TSC22D1: variants seen among roughly 807,000 people sequenced by gnomAD.
TSC22D1 encodes the protein TSC22 domain family protein 1.
A neutral mutation model predicts 74.2 loss-of-function variants in TSC22D1; 9 were observed. The observed-to-expected ratio is 0.12, with a 90% CI of 0.07 to 0.21. TSC22D1 has a LOEUF of 0.21. Among genes scored for constraint, TSC22D1 ranks in the 10% least tolerant of loss-of-function variants. The probability of loss-of-function intolerance (pLI) is 1.00; values close to 1 mark genes in which losing one functional copy is unlikely to be tolerated. For synonymous variants in TSC22D1, 586 were observed against 492.5 expected, an observed-to-expected ratio of 1.19 and a Z score of -2.51; for missense variants, 1,427 against 1,304.7, an observed-to-expected ratio of 1.09 and a Z score of -1.44.
intron 1 of TSC22D1, among the ~76,000 whole-genome samples, chr13:44,442,971 A>G (rs1167877237): frequency 6.6e-6 from 1 of 151,548 alleles, no homozygotes; most frequent in Non-Finnish European, 1.5e-5. Context: ...CAAAGTGTCA[A>G]TAAGCTATGG....
At chr13:44,455,996 A>G (rs1018575673) in intron 1 of TSC22D1, among the ~76,000 whole-genome samples, 3 of 152,250 alleles carry the variant, frequency 2.0e-5, no homozygotes, top group African/African-American at 7.2e-5. Flanking sequence ...CTCAAAAAGT[A>G]CAAGGTGCAG....
intron 1 of TSC22D1, among the ~76,000 whole-genome samples, chr13:44,453,828 T>C (rs1269606088): frequency 1.3e-5 from 2 of 152,358 alleles, no homozygotes; most frequent in South Asian, 4.1e-4. Flanking sequence ...TACACGTATG[T>C]TTCTAATAAG....
chr13:44,548,950 TAA>T (rs1387216213), intron 1 of TSC22D1, among the ~76,000 whole-genome samples: 2 of 152,164 alleles, frequency 1.3e-5, no homozygotes, highest in African/African-American at 4.8e-5. Flanking sequence ...AGCAACAGTT[TAA>T]GTCACCATTT....
intron 1 of TSC22D1, among the ~76,000 whole-genome samples, chr13:44,545,714 C>T (rs551508705): frequency 6.6e-6 from 1 of 152,202 alleles, no homozygotes; most frequent in East Asian, 1.9e-4. Flanking sequence ...TGCTGGCTCA[C>T]ACCTGTAATC....
rs557685909 is a variant in TSC22D1, at chr13:44,574,563, T to G, written c.1512A>C (p.Gln504His). The change falls in exon 1 of 3, where the codon CAA (glutamine) becomes CAC (histidine). Residue 504 changes from glutamine to histidine, a missense_variant. Physicochemically the swap from Gln to His is conservative, Grantham distance 24. This residue lies in a region of TSC22D1 where 1,343 missense variants were observed against 1,191.5 expected (regional missense o/e 1.13). Coordinates refer to ENST00000458659, the MANE Select transcript of TSC22D1 (RefSeq NM_183422.4). ...GGAGAGCTGGTTGTTGCTGTTGTTGTTGTTGTTGCTGCTGCTGCTGCTGCA... is the reference window on the plus strand; with the variant it reads ...GGAGAGCTGGTTGTTGCTGTTGTTGGTGTTGTTGCTGCTGCTGCTGCTGCA... Reference protein sequence around the residue: ...VVVQQQQQQQQQQQQQPALQG... With the variant: ...VVVQQQQQQQHQQQQQPALQG... 211 of 1,613,978 alleles carry G rather than the reference T, an allele frequency of 1.3e-4. No individual in the cohort carries two copies. Among genetic ancestry groups the G allele is most frequent in the Non-Finnish European group, 1.8e-4 (210 of 1,180,036 alleles).
chr13:44,539,530 G>C, intron 1 of TSC22D1: 1 of 985,376 alleles, frequency 1.0e-6, no homozygotes. Flanking sequence ...GGACTACATA[G>C]GCATTCGTCA....
At chr13:44,496,353 T>C (rs1208364167) in intron 1 of TSC22D1, among the ~76,000 whole-genome samples, 3 of 151,826 alleles carry the variant, frequency 2.0e-5, no homozygotes, top group Admixed American at 6.6e-5. Context: ...CTGGACAACA[T>C]AGGGAGACCC....
chr13:44,561,563 T>A (rs1883039972), intron 1 of TSC22D1, among the ~76,000 whole-genome samples: 1 of 152,204 alleles, frequency 6.6e-6, no homozygotes, highest in Non-Finnish European at 1.5e-5. Flanking sequence ...ACTTTGAACC[T>A]CTTTGCTTAA....
chr13:44,482,630 C>T (rs756713846), intron 1 of TSC22D1, among the ~76,000 whole-genome samples: 6 of 152,220 alleles, frequency 3.9e-5, no homozygotes, highest in Non-Finnish European at 8.8e-5. Context: ...GAAGACTCAA[C>T]TTTGTTGTTT....
In TSC22D1 at chr13:44,537,443, A is replaced by C. The variant is rs913733159; in HGVS notation, c.2912+35720T>G. ...ATCAAAGCATGAGATTAAGAGATTA[A>C]ATCACTTTTCATCTTCAAAGCTGAA... On this transcript the variant is annotated intron_variant, in intron 1 of 2. Coordinates refer to ENST00000458659, the MANE Select transcript of TSC22D1 (RefSeq NM_183422.4). 12 of 985,018 alleles carry C rather than the reference A, an allele frequency of 1.2e-5. No individual in the cohort carries two copies. The African/African-American group carries it at 2.1e-4, about 17-fold the overall frequency. The allele number at this position is 985,018 out of a possible 1,614,324, so 61.0% of individuals were successfully genotyped here. A position where few individuals can be genotyped will look rare whatever the true frequency, so the allele number is the denominator to read the frequency against.
chr13:44,512,587 A>G (rs779146532), intron 1 of TSC22D1, among the ~76,000 whole-genome samples: 4 of 152,188 alleles, frequency 2.6e-5, no homozygotes, highest in Non-Finnish European at 5.9e-5. Flanking sequence ...AAATCAGATT[A>G]TCTTCATCCC....
intron 1 of TSC22D1, among the ~76,000 whole-genome samples, chr13:44,563,815 A>T (rs1883194440): frequency 6.6e-6 from 1 of 152,216 alleles, no homozygotes; most frequent in South Asian, 2.1e-4. Flanking sequence ...AATTCACTTA[A>T]CCAAAACTTG....
chr13:44,486,744 T>C (rs1276713329), intron 1 of TSC22D1, among the ~76,000 whole-genome samples: 3 of 152,202 alleles, frequency 2.0e-5, no homozygotes, highest in African/African-American at 4.8e-5. Context: ...ACAACCACGT[T>C]TGCTGAACAC....
chr13:44,462,956 A>G (rs1877078677), intron 1 of TSC22D1, among the ~76,000 whole-genome samples: 1 of 152,210 alleles, frequency 6.6e-6, no homozygotes, highest in African/African-American at 2.4e-5. Context: ...TATAAATTAT[A>G]AAGATTTTAG....
chr13:44,453,427 T>G (rs975409019), intron 1 of TSC22D1, among the ~76,000 whole-genome samples: 1 of 152,226 alleles, frequency 6.6e-6, no homozygotes, highest in Non-Finnish European at 1.5e-5. Flanking sequence ...ATCAGTAGAT[T>G]TCGGTTATGC....
At chr13:44,558,359 TATA>T (rs2138186406) in intron 1 of TSC22D1, among the ~76,000 whole-genome samples, 1 of 152,350 alleles carries the variant, frequency 6.6e-6, no homozygotes, top group African/African-American at 2.4e-5. Context: ...TTCCCTGTCA[TATA>T]ATCCTCAGGT....
chr13:44,434,248 AC>A lies in TSC22D1; in HGVS notation c.*377del. ...CAGTGAGGAGCTCCATCGCTTCACA[AC>A]CCCATGTAGGACACTAAGCGCAAGC... is the stretch of plus-strand genomic sequence containing the variant. On this transcript the variant is annotated 3_prime_UTR_variant, in exon 3 of 3. Transcript: ENST00000458659. 1.4e-6 allele frequency: 2 copies of A among 1,411,104 alleles called. No individual in the cohort carries two copies. Among genetic ancestry groups the A allele is most frequent in the Non-Finnish European group, 1.8e-6 (2 of 1,095,846 alleles). The allele number at this position is 1,411,104 out of a possible 1,614,324, so 87.4% of individuals were successfully genotyped here.
intron 1 of TSC22D1, among the ~76,000 whole-genome samples, chr13:44,461,569 A>G (rs999207510): frequency 1.3e-5 from 2 of 152,234 alleles, no homozygotes; most frequent in African/African-American, 4.8e-5. Flanking sequence ...CATTAATTAG[A>G]CCAGAGAATG....
At chr13:44,438,112 T>C (rs1326550883) in intron 1 of TSC22D1, among the ~76,000 whole-genome samples, 1 of 152,234 alleles carries the variant, frequency 6.6e-6, no homozygotes, top group African/African-American at 2.4e-5. Context: ...TAAATTATAA[T>C]ACAACATAAA....
Sources: allele counts gnomAD v4.1 joint callset (sites outside exome capture counted in the v4.1 genomes callset), GRCh38; gene constraint gnomAD v4.1.1; regional missense constraint gnomAD v4.1.1; transcripts MANE v1.5; gene names NCBI Gene and HGNC (gene_info 2026-07-23, HGNC 2026-07-21).